ATP13A3: variants seen among roughly 807,000 people sequenced by gnomAD.
ATP13A3 encodes the protein ATPase 13A3, also known as polyamine-transporting ATPase 13A3.
Under a neutral mutation model 158.1 loss-of-function variants are expected in ATP13A3, and 59 were observed. The ratio of observed to expected loss-of-function variants is 0.37; its 90% confidence interval spans 0.30 to 0.46. The LOEUF is 0.46. ATP13A3 is among the 20% of genes least tolerant of loss of function. The probability of loss-of-function intolerance (pLI) is 1.00; values close to 1 mark genes in which losing one functional copy is unlikely to be tolerated. For synonymous variants in ATP13A3, 491 were observed against 504.3 expected (o/e 0.97, Z 0.35); for missense variants, 1,166 against 1,525.2 (o/e 0.76, Z 3.92).
At chr3:194,476,975 C>T (rs971973447) in intron 2 of ATP13A3, among the ~76,000 whole-genome samples, 5 of 152,248 alleles carry the variant, frequency 3.3e-5, no homozygotes, top group African/African-American at 1.2e-4. Flanking sequence ...ACTCTGGCCC[C>T]GCCTAGTTGT....
At chr3:194,426,982 G>T in intron 29 of ATP13A3, 93 bp downstream of exon 29, 2 of 1,397,492 alleles carry the variant, frequency 1.4e-6, no homozygotes, top group Non-Finnish European at 1.9e-6. Flanking sequence ...ACCGCACCTG[G>T]CACAAACTTT....
chr3:194,464,053 C>T (rs1479040563), intron 2 of ATP13A3, among the ~76,000 whole-genome samples: 1 of 152,134 alleles, frequency 6.6e-6, no homozygotes, highest in Non-Finnish European at 1.5e-5. Flanking sequence ...CCCAGCTACT[C>T]AGGAGGCTGA....
intron 29 of ATP13A3, among the ~76,000 whole-genome samples, chr3:194,426,314 AT>A (rs1486582715): frequency 6.6e-6 from 1 of 152,232 alleles, no homozygotes; most frequent in Non-Finnish European, 1.5e-5. Flanking sequence ...AAATGTTTAC[AT>A]CTGAAAATTT....
At chr3:194,423,392 C>T (rs148495292) in intron 30 of ATP13A3, among the ~76,000 whole-genome samples, 231 of 152,264 alleles carry the variant, frequency 1.5e-3, no homozygotes, top group Admixed American at 2.4e-3. Flanking sequence ...ACTGGCAGGT[C>T]CTAGCAAAGG....
chr3:194,415,269 G>A (rs73889863), intron 31 of ATP13A3, among the ~76,000 whole-genome samples: 2,918 of 149,372 alleles, frequency 0.02, 66 homozygotes, highest in East Asian at 0.069. Context: ...AGAGGCTAAC[G>A]GCCTTGCTGA....
At chr3:194,415,166 A>G (rs1715733998) in intron 31 of ATP13A3, among the ~76,000 whole-genome samples, 1 of 152,226 alleles carries the variant, frequency 6.6e-6, no homozygotes, top group Admixed American at 6.5e-5. Flanking sequence ...CTTAAGAATG[A>G]TGACATGGCT....
At chr3:194,454,041 C>A (rs567601058) in intron 9 of ATP13A3, among the ~76,000 whole-genome samples, 16 of 152,264 alleles carry the variant, frequency 1.1e-4, no homozygotes, top group Admixed American at 1.0e-3. Flanking sequence ...TCTAGACAGT[C>A]AAGTGGTAGA....
At chr3:194,447,814 T>C (rs764997247) in intron 13 of ATP13A3, 38 bp downstream of exon 13, 7 of 1,516,358 alleles carry the variant, frequency 4.6e-6, no homozygotes, top group Non-Finnish European at 5.4e-6. Flanking sequence ...TGATAAATAA[T>C]TGAGGTTCAA....
intron 20 of ATP13A3, 75 bp downstream of exon 20, chr3:194,437,020 T>C (rs1350805874): frequency 2.7e-6 from 4 of 1,482,566 alleles, no homozygotes; most frequent in Middle Eastern, 1.8e-4. Flanking sequence ...CTCAATTACA[T>C]GCAAATTACT....
chr3:194,427,480 T>C (rs1365542340), intron 28 of ATP13A3, among the ~76,000 whole-genome samples: 1 of 151,986 alleles, frequency 6.6e-6, no homozygotes, highest in African/African-American at 2.4e-5. Context: ...TTTACATTTC[T>C]ATTGAAATTC....
Position 194,448,496 on chromosome 3 carries a change from A to G in ATP13A3, c.1111T>C (p.Tyr371His). The G allele has an allele frequency of 6.2e-7, 1 of 1,614,170 alleles. No individual in the cohort carries two copies. The highest frequency in any genetic ancestry group is 1.7e-5 in the Admixed American group (1 of 60,030). ...CGTTVIQTRFYTGELVKAIVV... is the reference protein window; with the variant it reads ...CGTTVIQTRFHTGELVKAIVV... The stretch of plus-strand genomic sequence containing the variant: ...ATGGCTTTGACGAGTTCTCCAGTGT[A>G]GAAACGAGTCTGAATAACAGTTGTC... Residue 371 changes from tyrosine (Y) to histidine (H), a missense_variant, in exon 12 of 34, where the codon TAC becomes CAC. Physicochemically the swap from Tyr to His is moderately conservative, Grantham distance 83 (BLOSUM62 2). This residue lies in a region of ATP13A3 where 997 missense variants were observed against 1,341.2 expected (regional missense o/e 0.74). Transcript: ENST00000645319. The surrounding 1 kb of genome is among the most constrained non-coding windows in gnomAD (Gnocchi z 4.0).
chr3:194,430,081 T>C lies in ATP13A3; in HGVS notation c.2768A>G (p.Asn923Ser). 1.9e-6 allele frequency: 3 copies of C among 1,613,786 alleles called. No homozygotes were observed. Among genetic ancestry groups the C allele is most frequent in the Non-Finnish European group, 2.5e-6 (3 of 1,179,758 alleles). Reference protein sequence around the residue: ...SKTPSISCVPNLIREGRAALI... With the variant: ...SKTPSISCVPSLIREGRAALI... The stretch of plus-strand genomic sequence containing the variant: ...TTTTAATTTGTACTACCTGATAAGG[T>C]TTGGCACACAGGAAATACTAGGAGT... Residue 923 changes from asparagine to serine, a missense_variant, in exon 26 of 34, where the codon AAC (asparagine) becomes AGC (serine). By Grantham distance (46) the Asn-to-Ser change is conservative. Coordinates refer to ENST00000645319, the MANE Select transcript of ATP13A3 (RefSeq NM_001367549.1).
At chr3:194,447,395 C>T (rs995437362) in intron 13 of ATP13A3, among the ~76,000 whole-genome samples, 15 of 152,156 alleles carry the variant, frequency 9.9e-5, no homozygotes, top group African/African-American at 3.1e-4. Context: ...ACTTCAAAGC[C>T]GGTCAACAAT....
intron 7 of ATP13A3, among the ~76,000 whole-genome samples, chr3:194,456,403 A>G (rs766824305): frequency 5.3e-5 from 8 of 152,234 alleles, no homozygotes; most frequent in East Asian, 1.9e-4. Context: ...AAATGCTTTT[A>G]AAGTTTAAAT....
intron 29 of ATP13A3, among the ~76,000 whole-genome samples, chr3:194,426,346 TTTAA>T (rs1716772834): frequency 6.6e-6 from 1 of 152,204 alleles, no homozygotes. Context: ...AATTAACACG[TTTAA>T]TTAATTAAAA....
chr3:194,474,580 A>G (rs1399517334), intron 2 of ATP13A3, among the ~76,000 whole-genome samples: 1 of 152,264 alleles, frequency 6.6e-6, no homozygotes, highest in Non-Finnish European at 1.5e-5. Context: ...TATACTTTTT[A>G]GTTCAGAGTT....
At chr3:194,418,931 G>A (rs1577031931) in intron 31 of ATP13A3, among the ~76,000 whole-genome samples, 1 of 152,024 alleles carries the variant, frequency 6.6e-6, no homozygotes, top group South Asian at 2.1e-4. Context: ...CTACAGCATC[G>A]CACCACTCTC....
At chr3:194,435,328 G>C (rs561537751) in intron 20 of ATP13A3, among the ~76,000 whole-genome samples, 500 of 152,296 alleles carry the variant, frequency 3.3e-3, no homozygotes, top group Admixed American at 7.3e-3. Context: ...TCTGGCTTCA[G>C]CTCGTCTCCT....
Position 194,447,871 on chromosome 3 carries a change from A to G in ATP13A3, c.1289T>C (p.Ile430Thr), listed in dbSNP as rs1218579571. The change falls in exon 13 of 34, where the codon ATT (isoleucine) becomes ACT (threonine). Residue 430 changes from isoleucine to threonine, a missense_variant. Physicochemically the swap from Ile to Thr is moderately conservative, Grantham distance 89 (BLOSUM62 -1). Around this residue, in one of 3 missense-constraint regions of ATP13A3, gnomAD observed 997 missense variants for 1,341.2 expected, o/e 0.74. Coordinates refer to ENST00000645319, the MANE Select transcript of ATP13A3 (RefSeq NM_001367549.1). ...VAGIGFIYTI[I>T]NSILNEVQVG... ...ACATACCTCATTTAAAATGCTATTA[A>G]TAATAGTGTAGATAAACCCAATGCC... is the stretch of plus-strand genomic sequence containing the variant. 1.2e-6 allele frequency: 2 copies of G among 1,611,296 alleles called. No individual in the cohort carries two copies. The highest frequency in any genetic ancestry group is 2.2e-5 in the South Asian group (2 of 91,018).
Sources: gnomAD v4.1 joint callset for allele counts (sites outside exome capture counted in the v4.1 genomes callset) on GRCh38, gnomAD v4.1.1 for gene constraint, gnomAD v4.1.1 regional missense constraint, Gnocchi (gnomAD v3.1) non-coding constraint, MANE v1.5 for transcripts, NCBI Gene and HGNC (gene_info 2026-07-23, HGNC 2026-07-21) for gene names.